SMAP2: variants seen among roughly 807,000 people sequenced by gnomAD.
SMAP2 encodes the protein small ArfGAP2.
Under a neutral mutation model 56.4 loss-of-function variants are expected in SMAP2, and 25 were observed. The observed-to-expected ratio is 0.44, with a 90% CI of 0.32 to 0.62. The LOEUF (loss-of-function observed/expected upper bound fraction) is 0.62. Ranked by LOEUF, SMAP2 falls within the 20% of genes least tolerant of loss-of-function variation. The pLI, the probability that SMAP2 is intolerant of heterozygous loss-of-function variation, is 0.04. For synonymous variants in SMAP2, 157 were observed against 181.7 expected, an observed-to-expected ratio of 0.86 and a Z score of 1.09; for missense variants, 388 against 545.6, an observed-to-expected ratio of 0.71 and a Z score of 2.88.
intron 2 of SMAP2, among the ~76,000 whole-genome samples, chr1:40,366,426 GA>G (rs1644481436): frequency 8.7e-6 from 1 of 115,028 alleles, no homozygotes; most frequent in Non-Finnish European, 1.8e-5. Flanking sequence ...TGAAATGAAG[GA>G]AAAAATGTTA....
chr1:40,411,456 A>G (rs1239131837), intron 4 of SMAP2, among the ~76,000 whole-genome samples: 1 of 152,186 alleles, frequency 6.6e-6, no homozygotes, highest in East Asian at 1.9e-4. Context: ...GTACACAGCT[A>G]TTGTGGAAAC....
chr1:40,410,023 C>T (rs776710911), intron 4 of SMAP2, among the ~76,000 whole-genome samples, 188 bp downstream of exon 4: 9 of 152,142 alleles, frequency 5.9e-5, no homozygotes, highest in Non-Finnish European at 1.2e-4. Context: ...GGGAGGATCA[C>T]TTGAACCTAG....
chr1:40,410,656 G>A (rs1644926202), intron 4 of SMAP2, among the ~76,000 whole-genome samples: 1 of 152,088 alleles, frequency 6.6e-6, no homozygotes, highest in Admixed American at 6.6e-5. Flanking sequence ...AGGGAGACTG[G>A]CTACCAGTTG....
At chr1:40,377,261 G>A (rs76904272) in intron 1 of SMAP2, among the ~76,000 whole-genome samples, 7,422 of 152,268 alleles carry the variant, frequency 0.049, 211 homozygotes, top group Admixed American at 0.062. Flanking sequence ...GTGCCACTGC[G>A]CTGCAGCCTG....
At chr1:40,345,888 GTATTATATTATATTATATTA>G (rs56769230) in intron 1 of SMAP2, among the ~76,000 whole-genome samples, 126 of 120,116 alleles carry the variant, frequency 1.0e-3, no homozygotes, top group African/African-American at 3.8e-3. Context: ...ATATTGTATT[GTATTATATTATATTATATTA>G]TATTATATTA....
intron 1 of SMAP2, among the ~76,000 whole-genome samples, chr1:40,354,464 G>A (rs1428378252): frequency 2.6e-5 from 4 of 151,636 alleles, no homozygotes; most frequent in Non-Finnish European, 4.4e-5. Flanking sequence ...TCAGTCTCCC[G>A]AGTAGCTGGG....
intron 1 of SMAP2, among the ~76,000 whole-genome samples, chr1:40,353,981 A>G (rs1644421657): frequency 6.6e-6 from 1 of 152,132 alleles, no homozygotes; most frequent in Non-Finnish European, 1.5e-5. Flanking sequence ...CAGGATAAAA[A>G]TACAATAGGT....
At chr1:40,377,783 C>T (rs1644554718) in intron 1 of SMAP2, among the ~76,000 whole-genome samples, 2 of 152,126 alleles carry the variant, frequency 1.3e-5, no homozygotes, top group African/African-American at 4.8e-5. Context: ...TAAGCCACCC[C>T]GTCAGAGACT....
At chr1:40,352,993 G>A (rs986227791) in intron 1 of SMAP2, among the ~76,000 whole-genome samples, 5 of 152,160 alleles carry the variant, frequency 3.3e-5, no homozygotes, top group Admixed American at 2.6e-4. Context: ...CAGGCATGAC[G>A]TTTTCCATGG....
intron 1 of SMAP2, among the ~76,000 whole-genome samples, chr1:40,376,000 G>T (rs1250904388): frequency 6.6e-6 from 1 of 151,916 alleles, no homozygotes; most frequent in Non-Finnish European, 1.5e-5. Flanking sequence ...GCCCAGGCTG[G>T]AGTGCAATGG....
At chr1:40,347,030 T>C (rs953175266) in intron 1 of SMAP2, among the ~76,000 whole-genome samples, 86 of 149,228 alleles carry the variant, frequency 5.8e-4, no homozygotes, top group Non-Finnish European at 5.9e-5. Flanking sequence ...ATCTATTTAT[T>C]TATTTATTTA....
intron 4 of SMAP2, among the ~76,000 whole-genome samples, 200 bp from the exon 5 acceptor site, chr1:40,412,816 G>A (rs564985085): frequency 2.0e-5 from 3 of 152,236 alleles, no homozygotes; most frequent in Admixed American, 6.5e-5. Flanking sequence ...TTTGGAAGAC[G>A]CCTCGTACAG....
At chr1:40,421,026 T>G (rs1376432502) in intron 9 of SMAP2, among the ~76,000 whole-genome samples, 3 of 151,878 alleles carry the variant, frequency 2.0e-5, no homozygotes, top group Non-Finnish European at 2.9e-5. Flanking sequence ...TGAAATGTCG[T>G]GATAGCTGCA....
rs1386059072 is a variant in SMAP2 at position 40,385,550 on chromosome 1, T to G, written c.103+11327T>G. Among the ~76,000 whole-genome samples the G allele has an allele frequency of 2.0e-5, 3 of 152,248 alleles. No individual in the cohort carries two copies. The highest frequency in any genetic ancestry group is 7.2e-5 in the African/African-American group (3 of 41,464). ...TCAAATGTGTAATGCTCTCATTTTATGATGTATTGAAACAGTGAAGCAAAT... is the reference window on the plus strand; with the variant it reads ...TCAAATGTGTAATGCTCTCATTTTAGGATGTATTGAAACAGTGAAGCAAAT... On this transcript the variant is annotated intron_variant, in intron 1 of 9. Coordinates refer to ENST00000372718, the MANE Select transcript of SMAP2 (RefSeq NM_022733.3). This position sits in a 1 kb window ranked among gnomAD's most constrained non-coding sequence, Gnocchi z 4.5.
intron 1 of SMAP2, among the ~76,000 whole-genome samples, chr1:40,394,843 C>G (rs1355278330): frequency 6.6e-6 from 1 of 152,084 alleles, no homozygotes; most frequent in Non-Finnish European, 1.5e-5. Context: ...AGGAGGTCCT[C>G]TAGTTGGAAC....
intron 1 of SMAP2, among the ~76,000 whole-genome samples, chr1:40,393,708 G>A (rs967142001): frequency 6.6e-6 from 1 of 151,962 alleles, no homozygotes; most frequent in African/African-American, 2.4e-5. Context: ...ACAATGCCTG[G>A]CTAATTTTTG....
intron 7 of SMAP2, among the ~76,000 whole-genome samples, chr1:40,415,661 T>A (rs537703602): frequency 1.5e-4 from 23 of 152,284 alleles, no homozygotes; most frequent in African/African-American, 5.5e-4. Flanking sequence ...TCGGCCTGAG[T>A]TACTGCCAGA....
chr1:40,400,579 G>A (rs1437570425), intron 1 of SMAP2, among the ~76,000 whole-genome samples: 1 of 152,242 alleles, frequency 6.6e-6, no homozygotes, highest in Non-Finnish European at 1.5e-5. Context: ...GGGGCTGAAG[G>A]AGAGAGGTTT....
chr1:40,396,376 T>C (rs1644772523), intron 1 of SMAP2, among the ~76,000 whole-genome samples: 1 of 152,230 alleles, frequency 6.6e-6, no homozygotes, highest in Middle Eastern at 3.2e-3. Flanking sequence ...AGTGAGAGGC[T>C]GGACCTAAGA....
Sources: allele counts gnomAD v4.1 joint callset (sites outside exome capture counted in the v4.1 genomes callset), GRCh38; gene constraint gnomAD v4.1.1; non-coding constraint Gnocchi (gnomAD v3.1); transcripts MANE v1.5; gene names NCBI Gene and HGNC (gene_info 2026-07-23, HGNC 2026-07-21).